Variants in USP10 observed in about 807,000 individuals in gnomAD.
The protein encoded by USP10 is ubiquitin carboxyl-terminal hydrolase 10.
A neutral mutation model predicts 84.5 loss-of-function variants in USP10; 22 were observed. The ratio of observed to expected loss-of-function variants is 0.26; its 90% CI spans 0.19 to 0.37. The LOEUF (loss-of-function observed/expected upper bound fraction) is 0.37, where lower values mean the gene tolerates loss of function less well. Ranked by LOEUF, USP10 falls within the 10% of genes least tolerant of loss-of-function variation. USP10 has a pLI of 1.00. For missense variants in USP10, 1,019 were observed against 998.9 expected (o/e 1.02, Z -0.27); for synonymous variants, 454 against 387.6 (o/e 1.17, Z -2.01).
intron 7 of USP10, 29 bp from the exon 8 acceptor site, chr16:84,760,143 G>C (rs2288017): frequency 0.038 from 60,687 of 1,581,874 alleles, 2,045 homozygotes; most frequent in East Asian, 0.17. Flanking sequence ...ATTGTAGTTA[G>C]GAAAACCTGT....
intron 1 of USP10, chr16:84,704,831 C>A (rs145270162): frequency 1.8e-5 from 28 of 1,535,690 alleles, no homozygotes; most frequent in Non-Finnish European, 2.3e-5. Flanking sequence ...AAACATCATG[C>A]CCTGGTTGCC....
intron 3 of USP10, among the ~76,000 whole-genome samples, chr16:84,742,110 G>T (rs148366702): frequency 4.6e-5 from 7 of 152,134 alleles, no homozygotes; most frequent in African/African-American, 1.7e-4. Flanking sequence ...TACATAATAG[G>T]TGTATATATG....
chr16:84,726,919 T>C (rs1261913301), intron 1 of USP10, among the ~76,000 whole-genome samples: 1 of 152,248 alleles, frequency 6.6e-6, no homozygotes, highest in East Asian at 1.9e-4. Context: ...ATACCTCCTT[T>C]TGACCCCAGT....
At chr16:84,768,428 G>A (rs180998615) in intron 11 of USP10, 70 bp downstream of exon 11, 16 of 1,388,434 alleles carry the variant, frequency 1.2e-5, no homozygotes, top group Non-Finnish European at 1.3e-5. Context: ...CACAAAATTA[G>A]GAATGAGGGG....
At chr16:84,759,320 T>A (rs760936952) in intron 5 of USP10, 43 bp from the exon 6 acceptor site, 4 of 1,544,202 alleles carry the variant, frequency 2.6e-6, no homozygotes, top group Non-Finnish European at 3.6e-6. Flanking sequence ...AAATGTGGTG[T>A]GTCTGTTCAT....
chr16:84,727,459 AAAACAAACAAAC>A (rs138251432), intron 1 of USP10, among the ~76,000 whole-genome samples: 10 of 148,446 alleles, frequency 6.7e-5, no homozygotes, highest in South Asian at 4.2e-4. Flanking sequence ...TAGCTTTAAA[AAAACAAACAAAC>A]AAACAAACAA....
chr16:84,750,483 G>C (rs1369019058), intron 4 of USP10, among the ~76,000 whole-genome samples: 1 of 152,022 alleles, frequency 6.6e-6, no homozygotes, highest in Non-Finnish European at 1.5e-5. Context: ...TGTTAAGAGT[G>C]AGTATGGCAG....
rs796339654 is a variant in USP10 at position 84,735,213 on chromosome 16, G to A, written c.90+1710G>A. 1.6e-3 allele frequency among the ~76,000 whole-genome samples: 101 copies of A among 63,100 alleles called. 2 individuals carry two copies. In the Middle Eastern group the frequency reaches 0.025, roughly 16 times the overall value. The allele number at this position is 63,100 out of a possible 152,430, so 41.4% of individuals were successfully genotyped here. ...GCCCGGGTGGTGTGTGTGTGTGTGT[G>A]TGTGTGTGTGTGTGTGTGTGTGTGG... On this transcript the variant is annotated intron_variant, in intron 2 of 13. Transcript: ENST00000219473.
intron 1 of USP10, among the ~76,000 whole-genome samples, chr16:84,713,143 C>T (rs920197287): frequency 2.6e-5 from 4 of 152,188 alleles, no homozygotes; most frequent in Non-Finnish European, 4.4e-5. Context: ...GTTTATCTTT[C>T]CCCCACCTTT....
rs188107059 is a variant in USP10, at chr16:84,779,839, T to C, written c.*757T>C. The C allele has an allele frequency of 6.6e-6, 1 of 152,580 alleles. No homozygotes were observed. The highest frequency in any genetic ancestry group is 1.9e-4 in the East Asian group (1 of 5,190). 9.5% of individuals were successfully genotyped at this position (152,580 alleles called of 1,614,324 possible). A position where few individuals can be genotyped will look rare whatever the true frequency, so the allele number is the denominator to read the frequency against. On this transcript the variant is annotated 3_prime_UTR_variant, in exon 14 of 14. Coordinates refer to ENST00000219473, the MANE Select transcript of USP10 (RefSeq NM_005153.3). ...TCTGCTGTCTGCTCTTCTCTAATGC[T>C]GCGTCCCTAATTGTACACAGTTTAG...
intron 2 of USP10, 22 bp downstream of exon 2, chr16:84,733,525 G>A (rs758474390): frequency 1.3e-6 from 2 of 1,551,048 alleles, no homozygotes; most frequent in Non-Finnish European, 1.8e-6. Flanking sequence ...CTTTGTTTTA[G>A]TGAGTCCGTG....
Position 84,775,198 on chromosome 16 carries a change from T to G in USP10, c.2182T>G (p.Cys728Gly). The change falls in exon 13 of 14, where the codon TGC (cysteine) becomes GGC (glycine). Residue 728 changes from cysteine (C) to glycine (G), a missense_variant. By Grantham distance (159) the Cys-to-Gly change is radical. This residue lies in a region of USP10 where 232 missense variants were observed against 290.1 expected (regional missense o/e 0.80). Coordinates refer to ENST00000219473, the MANE Select transcript of USP10 (RefSeq NM_005153.3). ...SPGVKNKNFKCHRTYRLFAVV... is the reference protein window; with the variant it reads ...SPGVKNKNFKGHRTYRLFAVV... ...AGGGGTTAAAAATAAGAATTTTAAATGCCACCGAACCTATCGGCTCTTTGC... is the reference window on the plus strand; with the variant it reads ...AGGGGTTAAAAATAAGAATTTTAAAGGCCACCGAACCTATCGGCTCTTTGC... 1 of 1,613,808 alleles carries G rather than the reference T, an allele frequency of 6.2e-7. No individual in the cohort carries two copies. The highest frequency in any genetic ancestry group is 1.7e-5 in the Admixed American group (1 of 60,026).
At chr16:84,738,269 C>G (rs1910191086) in intron 2 of USP10, among the ~76,000 whole-genome samples, 1 of 152,098 alleles carries the variant, frequency 6.6e-6, no homozygotes, top group African/African-American at 2.4e-5. Flanking sequence ...TGTTTTGACT[C>G]AGAAAAAGAT....
intron 4 of USP10, among the ~76,000 whole-genome samples, chr16:84,750,404 C>G (rs377234102): frequency 9.4e-6 from 1 of 106,288 alleles, no homozygotes; most frequent in Non-Finnish European, 2.0e-5. Context: ...GAGACTGTCT[C>G]AAAAAAAAAA....
intron 9 of USP10, among the ~76,000 whole-genome samples, chr16:84,763,410 G>GTA (rs765906474): frequency 8.2e-4 from 125 of 151,628 alleles, no homozygotes; most frequent in South Asian, 2.1e-3. Flanking sequence ...CACACACTGT[G>GTA]TATATATATA....
chr16:84,777,628 T>TTG (rs925188782), intron 13 of USP10, among the ~76,000 whole-genome samples: 9 of 152,180 alleles, frequency 5.9e-5, no homozygotes, highest in African/African-American at 1.9e-4. Context: ...GAGGATTTCT[T>TTG]TGTGCAGAGC....
At chr16:84,775,276 G>A in intron 13 of USP10, 51 bp downstream of exon 13, 1 of 1,574,016 alleles carries the variant, frequency 6.4e-7, no homozygotes, top group South Asian at 1.1e-5. Context: ...TGATGAAGGG[G>A]TTTACAGCTG....
intron 13 of USP10, among the ~76,000 whole-genome samples, chr16:84,777,145 C>A (rs1256348761): frequency 6.6e-6 from 1 of 152,218 alleles, no homozygotes. Flanking sequence ...GAAGCAATCT[C>A]GCGCACAAGC....
At chr16:84,708,256 C>G (rs1418042121) in intron 1 of USP10, among the ~76,000 whole-genome samples, 1 of 152,066 alleles carries the variant, frequency 6.6e-6, no homozygotes, top group Non-Finnish European at 1.5e-5. Context: ...TTGAGACCAT[C>G]CTGGCCAACA....
Sources: gnomAD v4.1 joint callset for allele counts (sites outside exome capture counted in the v4.1 genomes callset) on GRCh38, gnomAD v4.1.1 for gene constraint, gnomAD v4.1.1 regional missense constraint, MANE v1.5 for transcripts, NCBI Gene and HGNC (gene_info 2026-07-23, HGNC 2026-07-21) for gene names.